PRICKLE1: variants seen among roughly 807,000 people sequenced by gnomAD.
PRICKLE1 encodes the protein prickle-like protein 1.
A neutral mutation model predicts 70.2 loss-of-function variants in PRICKLE1; 14 were observed. The observed-to-expected ratio is 0.20, with a 90% CI of 0.13 to 0.31. The LOEUF is 0.31. Among genes scored for constraint, PRICKLE1 ranks in the 10% least tolerant of loss-of-function variants. PRICKLE1 has a pLI of 1.00. For synonymous variants in PRICKLE1, 357 were observed against 379.9 expected (o/e 0.94, Z 0.70); for missense variants, 821 against 1,026.2 (o/e 0.80, Z 2.73).
chr12:42,467,626 A>G (rs1375823973), intron 5 of PRICKLE1, among the ~76,000 whole-genome samples: 1 of 152,058 alleles, frequency 6.6e-6, no homozygotes, highest in Non-Finnish European at 1.5e-5. Context: ...GGCACCTGCA[A>G]TCCCAGCTAC....
At chr12:42,529,374 C>A (rs1939868373) in intron 1 of PRICKLE1, among the ~76,000 whole-genome samples, 1 of 152,106 alleles carries the variant, frequency 6.6e-6, no homozygotes, top group Non-Finnish European at 1.5e-5. Flanking sequence ...AATGAATAGC[C>A]TTTAAAATAA....
chr12:42,477,943 C>T (rs922801331), intron 1 of PRICKLE1, among the ~76,000 whole-genome samples: 4 of 146,278 alleles, frequency 2.7e-5, no homozygotes, highest in African/African-American at 1.0e-4. Context: ...CTAACAGTGG[C>T]CCTGCCCTAT....
intron 1 of PRICKLE1, among the ~76,000 whole-genome samples, chr12:42,519,193 C>CT (rs11342397): frequency 0.085 from 8,448 of 98,914 alleles, 775 homozygotes; most frequent in African/African-American, 0.18. Flanking sequence ...CCTTTTTTTC[C>CT]TTTTTTTTTT....
At chr12:42,488,983 G>A (rs1939039715) in intron 1 of PRICKLE1, among the ~76,000 whole-genome samples, 1 of 148,064 alleles carries the variant, frequency 6.8e-6, no homozygotes, top group African/African-American at 2.6e-5. Context: ...CAGTGCAATG[G>A]CACAATCTCG....
At chr12:42,463,142 T>C (rs945198677) in intron 7 of PRICKLE1, among the ~76,000 whole-genome samples, 4 of 149,902 alleles carry the variant, frequency 2.7e-5, no homozygotes, top group Non-Finnish European at 5.9e-5. Context: ...CTCACAAAAA[T>C]TAGCTGGGCG....
At chr12:42,523,605 G>A (rs1939749695) in intron 1 of PRICKLE1, among the ~76,000 whole-genome samples, 1 of 152,212 alleles carries the variant, frequency 6.6e-6, no homozygotes, top group Non-Finnish European at 1.5e-5. Flanking sequence ...ATTTCAGATG[G>A]CTTAACAGAT....
intron 1 of PRICKLE1, among the ~76,000 whole-genome samples, chr12:42,486,664 T>C (rs1171003652): frequency 6.6e-6 from 1 of 152,204 alleles, no homozygotes; most frequent in African/African-American, 2.4e-5. Context: ...GGTTCTTCCA[T>C]GTTGTGTATA....
In PRICKLE1 at chr12:42,459,387, T is replaced by C; in HGVS notation, c.*422A>G. The C allele has an allele frequency of 1.4e-6, 1 of 702,380 alleles. No homozygotes were observed. The highest frequency in any genetic ancestry group is 2.6e-6 in the Non-Finnish European group (1 of 384,940). 43.5% of individuals were successfully genotyped at this position (702,380 alleles called of 1,614,324 possible). A position where few individuals can be genotyped will look rare whatever the true frequency, so the allele number is the denominator to read the frequency against. ...GCTAGGTCATCGTGACAGGCATGCC[T>C]CACACCAAGACGGACTATCAAGACC... On this transcript the variant is annotated 3_prime_UTR_variant, in exon 8 of 8. Transcript: ENST00000345127.
At chr12:42,516,357 C>T (rs1288462924) in intron 1 of PRICKLE1, among the ~76,000 whole-genome samples, 2 of 152,150 alleles carry the variant, frequency 1.3e-5, no homozygotes, top group Non-Finnish European at 2.9e-5. Flanking sequence ...TGGTCTCGAT[C>T]TCCTGACCTC....
chr12:42,539,685 T>C (rs1186528379), intron 1 of PRICKLE1, among the ~76,000 whole-genome samples: 1 of 152,156 alleles, frequency 6.6e-6, no homozygotes, highest in Non-Finnish European at 1.5e-5. Context: ...AATTAAAAGC[T>C]TTAGAGTTAG....
At chr12:42,462,346 A>G (rs1937879486) in intron 7 of PRICKLE1, among the ~76,000 whole-genome samples, 1 of 152,002 alleles carries the variant, frequency 6.6e-6, no homozygotes, top group Non-Finnish European at 1.5e-5. Context: ...AATTACAGGC[A>G]CATGCCACCA....
intron 1 of PRICKLE1, among the ~76,000 whole-genome samples, chr12:42,517,873 T>C (rs1939638326): frequency 6.6e-6 from 1 of 151,944 alleles, no homozygotes; most frequent in Non-Finnish European, 1.5e-5. Context: ...TTTTTTTCTG[T>C]ATAATAGATG....
intron 1 of PRICKLE1, among the ~76,000 whole-genome samples, chr12:42,510,379 C>A (rs986496140): frequency 1.3e-5 from 2 of 152,038 alleles, no homozygotes; most frequent in African/African-American, 4.8e-5. Flanking sequence ...CAGGTGTGAG[C>A]CACTGTGCTC....
At chr12:42,513,015 G>A (rs1939542455) in intron 1 of PRICKLE1, among the ~76,000 whole-genome samples, 1 of 151,788 alleles carries the variant, frequency 6.6e-6, no homozygotes, top group African/African-American at 2.4e-5. Context: ...GCCTAGGCTG[G>A]AGTGCAATGG....
chr12:42,560,153 TTG>T, intron 1 of PRICKLE1, among the ~76,000 whole-genome samples: 1 of 147,932 alleles, frequency 6.8e-6, no homozygotes, highest in Non-Finnish European at 1.5e-5. Context: ...ATTATTATTT[TTG>T]AGGCAGAGTC....
At chr12:42,505,881 C>T (rs1422928444) in intron 1 of PRICKLE1, among the ~76,000 whole-genome samples, 1 of 152,172 alleles carries the variant, frequency 6.6e-6, no homozygotes, top group African/African-American at 2.4e-5. Context: ...GAATTAGGAT[C>T]CAGAAATTTG....
At chr12:42,571,226 G>A (rs1391782720) in intron 1 of PRICKLE1, among the ~76,000 whole-genome samples, 1 of 151,896 alleles carries the variant, frequency 6.6e-6, no homozygotes, top group Admixed American at 6.6e-5. Flanking sequence ...CTTTTTTCAT[G>A]TGTTAATATT....
intron 1 of PRICKLE1, among the ~76,000 whole-genome samples, chr12:42,533,224 T>TC (rs1566116622): frequency 2.0e-5 from 3 of 151,904 alleles, no homozygotes; most frequent in Non-Finnish European, 4.4e-5. Context: ...TTTTTTTTTT[T>TC]TCTGTATTTT....
At position 42,497,442 on chromosome 12, in the gene PRICKLE1, G is replaced by A. The variant is rs139951069; in HGVS notation, c.-48-24878C>T. Among the ~76,000 whole-genome samples, 265 of 151,940 alleles carry A rather than the reference G, an allele frequency of 1.7e-3. 2 individuals carry two copies. In the East Asian group the frequency reaches 0.028, roughly 16 times the overall value. On this transcript the variant is annotated intron_variant, in intron 1 of 7. Coordinates refer to ENST00000345127, the MANE Select transcript of PRICKLE1 (RefSeq NM_153026.3). ...TGGGTGCCTGTAGTCCCAGCTACTC[G>A]GGAGGCTGAGGTGGGCGAATGGCGT...
Sources: gnomAD v4.1 joint callset for allele counts (sites outside exome capture counted in the v4.1 genomes callset) on GRCh38, gnomAD v4.1.1 for gene constraint, MANE v1.5 for transcripts, NCBI Gene and HGNC (gene_info 2026-07-23, HGNC 2026-07-21) for gene names.